SLC16A9: variants seen among roughly 807,000 people sequenced by gnomAD.
The protein encoded by SLC16A9 is solute carrier family 16 member 9, also known as monocarboxylate transporter 9.
In SLC16A9, 26 loss-of-function variants were observed where a neutral mutation model predicts 44.3. The observed-to-expected ratio is 0.59, with a 90% CI of 0.43 to 0.81. The LOEUF is 0.81. Ranked by LOEUF, SLC16A9 falls within the 40% of genes least tolerant of loss-of-function variation. The pLI is 0.00. For synonymous variants in SLC16A9, 230 were observed against 225.1 expected (o/e 1.02, Z -0.19); for missense variants, 559 against 595.8 (o/e 0.94, Z 0.64).
chr10:59,675,048 C>T (rs1382220494), intron 2 of SLC16A9, among the ~76,000 whole-genome samples: 2 of 152,062 alleles, frequency 1.3e-5, no homozygotes, highest in East Asian at 1.9e-4. Flanking sequence ...ACAGTGGAAA[C>T]AGCAAATGGA....
intron 1 of SLC16A9, among the ~76,000 whole-genome samples, chr10:59,705,008 T>C (rs575881323): frequency 1.2e-4 from 18 of 152,302 alleles, no homozygotes; most frequent in South Asian, 4.2e-4. Flanking sequence ...GGGGAGTTTA[T>C]TGGGAATCAT....
At chr10:59,664,378 G>T in intron 3 of SLC16A9, 56 bp from the exon 4 acceptor site, 1 of 1,192,756 alleles carries the variant, frequency 8.4e-7, no homozygotes, top group Non-Finnish European at 1.2e-6. Flanking sequence ...CAATGCAAGA[G>T]AAAAAAGGAA....
chr10:59,681,061 T>A (rs1036846617), intron 2 of SLC16A9, among the ~76,000 whole-genome samples: 3 of 152,030 alleles, frequency 2.0e-5, no homozygotes, highest in Non-Finnish European at 4.4e-5. Context: ...TGTCTGCGTG[T>A]CAAATCCACG....
intron 1 of SLC16A9, among the ~76,000 whole-genome samples, chr10:59,691,683 A>G (rs2077940778): frequency 6.6e-6 from 1 of 152,220 alleles, no homozygotes; most frequent in South Asian, 2.1e-4. Flanking sequence ...TCGGGAAACG[A>G]AAAAGACTAT....
rs1403161936 is a variant in SLC16A9, at chr10:59,655,205, G to T, written c.437-616C>A. Reference sequence around the variant, plus strand: ...CTTGGGAGGCTGAGGCAGAAGAGTCGCTTGAACCCAGGAGGTAGAGGTTGC... The same window carrying T: ...CTTGGGAGGCTGAGGCAGAAGAGTCTCTTGAACCCAGGAGGTAGAGGTTGC... On this transcript the variant is annotated intron_variant, in intron 4 of 5. Transcript: ENST00000395348. Among the ~76,000 whole-genome samples, 3 of 152,082 alleles carry T rather than the reference G, an allele frequency of 2.0e-5. No homozygotes were observed. In the East Asian group the frequency reaches 5.8e-4, roughly 29 times the overall value.
chr10:59,707,350 A>G (rs1840667089), intron 1 of SLC16A9, among the ~76,000 whole-genome samples: 2 of 145,076 alleles, frequency 1.4e-5, no homozygotes, highest in African/African-American at 2.6e-5. Context: ...AAGGGAGGGG[A>G]AGGGAAGGGA....
At chr10:59,693,733 C>T (rs1334777229) in intron 1 of SLC16A9, among the ~76,000 whole-genome samples, 2 of 151,208 alleles carry the variant, frequency 1.3e-5, no homozygotes, top group East Asian at 1.9e-4. Flanking sequence ...CATTCTCCTG[C>T]CGCAGCCTCC....
At chr10:59,664,610 A>T (rs1348987748) in intron 3 of SLC16A9, among the ~76,000 whole-genome samples, 1 of 152,232 alleles carries the variant, frequency 6.6e-6, no homozygotes, top group African/African-American at 2.4e-5. Flanking sequence ...ATGGAGAAAG[A>T]AGGAAAATGG....
At chr10:59,684,452 G>T in intron 1 of SLC16A9, 125 bp from the exon 2 acceptor site, 1 of 470,872 alleles carries the variant, frequency 2.1e-6, no homozygotes, top group Non-Finnish European at 3.7e-6. Context: ...ACATGGAAAA[G>T]CATAAAATAT....
chr10:59,682,278 C>T (rs1249387820), intron 2 of SLC16A9, among the ~76,000 whole-genome samples: 1 of 152,174 alleles, frequency 6.6e-6, no homozygotes, highest in Non-Finnish European at 1.5e-5. Context: ...TGGTTTAGTG[C>T]TCTGCTGTCA....
At chr10:59,703,164 G>T (rs1419537771) in intron 1 of SLC16A9, among the ~76,000 whole-genome samples, 2 of 152,210 alleles carry the variant, frequency 1.3e-5, no homozygotes, top group Non-Finnish European at 2.9e-5. Flanking sequence ...GTGTTGCCAG[G>T]CTGGGGTGCA....
chr10:59,659,386 A>G (rs1019786005), intron 4 of SLC16A9, among the ~76,000 whole-genome samples: 2 of 152,150 alleles, frequency 1.3e-5, no homozygotes, highest in Non-Finnish European at 2.9e-5. Context: ...TCCTATCTTT[A>G]AAGAAACAAA....
chr10:59,664,185 A>G, intron 4 of SLC16A9, 42 bp downstream of exon 4: 1 of 1,405,802 alleles, frequency 7.1e-7, no homozygotes, highest in African/African-American at 1.4e-5. Context: ...TTTGTTTAGA[A>G]GACTGAATGG....
intron 1 of SLC16A9, among the ~76,000 whole-genome samples, chr10:59,699,868 G>T (rs922715246): frequency 6.7e-6 from 1 of 149,778 alleles, no homozygotes; most frequent in Non-Finnish European, 1.5e-5. Flanking sequence ...CTTGGTTCTA[G>T]GTTTTCATTA....
chr10:59,662,633 CAAAAAAAAA>C (rs71006278), intron 4 of SLC16A9, among the ~76,000 whole-genome samples: 3 of 43,632 alleles, frequency 6.9e-5, no homozygotes, highest in East Asian at 1.3e-3. Context: ...AACTCCATCT[CAAAAAAAAA>C]AAAAAAAAAA....
intron 1 of SLC16A9, among the ~76,000 whole-genome samples, chr10:59,703,866 C>A (rs1840581125): frequency 6.6e-6 from 1 of 151,980 alleles, no homozygotes; most frequent in South Asian, 2.1e-4. Context: ...CTACAGGTGC[C>A]CGCCACCATG....
At chr10:59,692,756 T>G (rs1840279231) in intron 1 of SLC16A9, among the ~76,000 whole-genome samples, 2 of 152,192 alleles carry the variant, frequency 1.3e-5, no homozygotes, top group Non-Finnish European at 2.9e-5. Context: ...TATCATTTAT[T>G]CTATACCACC....
intron 1 of SLC16A9, among the ~76,000 whole-genome samples, chr10:59,691,050 A>G (rs1055152514): frequency 6.6e-6 from 1 of 152,202 alleles, no homozygotes; most frequent in Non-Finnish European, 1.5e-5. Flanking sequence ...ACGCCACTGC[A>G]CTCCAGCCTA....
chr10:59,664,631 A>C (rs1839566922), intron 3 of SLC16A9, among the ~76,000 whole-genome samples: 1 of 152,230 alleles, frequency 6.6e-6, no homozygotes, highest in Non-Finnish European at 1.5e-5. Context: ...CTAAATTCAC[A>C]TACCAAATAG....
Sources: allele counts gnomAD v4.1 joint callset (sites outside exome capture counted in the v4.1 genomes callset), GRCh38; gene constraint gnomAD v4.1.1; transcripts MANE v1.5; gene names NCBI Gene and HGNC (gene_info 2026-07-23, HGNC 2026-07-21).